Variants in CALCR observed in about 807,000 individuals in gnomAD.
CALCR encodes calcitonin receptor.
In CALCR, 47 loss-of-function variants were observed where a neutral mutation model predicts 59.5. The ratio of observed to expected loss-of-function variants is 0.79; its 90% CI spans 0.63 to 1.01. The LOEUF (loss-of-function observed/expected upper bound fraction) is 1.01. Among genes scored for constraint, CALCR ranks in the 50% least tolerant of loss-of-function variants. The pLI is 0.00. For synonymous variants in CALCR, 213 were observed against 211.3 expected (o/e 1.01, Z -0.07); for missense variants, 566 against 597.1 (o/e 0.95, Z 0.54).
intron 2 of CALCR, among the ~76,000 whole-genome samples, chr7:93,565,828 A>ACC (rs1303323328): frequency 2.0e-5 from 3 of 152,198 alleles, no homozygotes; most frequent in African/African-American, 7.2e-5. Flanking sequence ...CATAAACACC[A>ACC]ATGTTTTCTA....
At chr7:93,475,286 A>T (rs1245416173) in intron 5 of CALCR, among the ~76,000 whole-genome samples, 1 of 151,814 alleles carries the variant, frequency 6.6e-6, no homozygotes, top group Non-Finnish European at 1.5e-5. Context: ...GCTTCATGTA[A>T]ATCTGTTACA....
At position 93,468,714 on chromosome 7, in the gene CALCR, C is replaced by A; in HGVS notation, c.521+1G>T. 6.2e-7 allele frequency: 1 copy of A among 1,600,612 alleles called. No homozygotes were observed. Among genetic ancestry groups the A allele is most frequent in the African/African-American group, 1.3e-5 (1 of 74,536 alleles). ...AGAGCAGATGCTGTGAGTGTACTTA[C>A]CTGAAAAACACGAAAATCCCCAGGG... is the stretch of plus-strand genomic sequence containing the variant. On this transcript the variant is annotated splice_donor_variant, in intron 7 of 13. Coordinates refer to ENST00000426151, the MANE Select transcript of CALCR (RefSeq NM_001742.4). LOFTEE classifies it high-confidence loss of function.
In CALCR at chr7:93,503,228, G is replaced by A. The variant is rs1017779744; in HGVS notation, c.-26-16221C>T. Among the ~76,000 whole-genome samples, 4 of 152,180 alleles carry A rather than the reference G, an allele frequency of 2.6e-5. No individual in the cohort carries two copies. The East Asian group carries it at 5.8e-4, about 22-fold the overall frequency. On this transcript the variant is annotated intron_variant, in intron 2 of 13. Coordinates refer to ENST00000426151, the MANE Select transcript of CALCR (RefSeq NM_001742.4). ...GGGCTGATGGAGCAACACTCGTCTG[G>A]AATATGCTGTTCTCAGGGCAGAGGA...
At chr7:93,528,382 C>A (rs1788734161) in intron 2 of CALCR, among the ~76,000 whole-genome samples, 1 of 152,170 alleles carries the variant, frequency 6.6e-6, no homozygotes, top group South Asian at 2.1e-4. Flanking sequence ...CACCCATTAA[C>A]TCGTCATTTA....
intron 7 of CALCR, among the ~76,000 whole-genome samples, chr7:93,464,888 C>T (rs184094299): frequency 3.3e-5 from 5 of 151,960 alleles, no homozygotes; most frequent in East Asian, 1.9e-4. Flanking sequence ...GTAGAGATGA[C>T]GTAGAACAAA....
chr7:93,445,357 C>T (rs1055933143), intron 8 of CALCR, among the ~76,000 whole-genome samples: 15 of 151,980 alleles, frequency 9.9e-5, no homozygotes, highest in South Asian at 6.2e-4. Flanking sequence ...GAAGGCTATT[C>T]TTATTTAAAA....
At chr7:93,528,644 C>CA (rs1584608625) in intron 2 of CALCR, among the ~76,000 whole-genome samples, 1 of 152,078 alleles carries the variant, frequency 6.6e-6, no homozygotes, top group Non-Finnish European at 1.5e-5. Flanking sequence ...AGATTTTATT[C>CA]AAAAATGTAA....
intron 2 of CALCR, among the ~76,000 whole-genome samples, chr7:93,512,446 T>C (rs1161122519): frequency 6.6e-6 from 1 of 152,138 alleles, no homozygotes; most frequent in Admixed American, 6.6e-5. Flanking sequence ...CAGGATGGTT[T>C]CTTCTTTTAG....
intron 9 of CALCR, among the ~76,000 whole-genome samples, chr7:93,438,989 A>G (rs1799843413): frequency 6.6e-6 from 1 of 152,120 alleles, no homozygotes; most frequent in African/African-American, 2.4e-5. Flanking sequence ...TTTTAAATCA[A>G]TTTTTATTCT....
In CALCR at chr7:93,426,597, A is replaced by G. The variant is rs1799536642; in HGVS notation, c.1192-8T>C. ...CTTCACGGTGGTTTGGACCTGGAAG[A>G]GAAAAAGGAGCCTTGTTTTTATATG... On this transcript the variant is annotated splice_polypyrimidine_tract_variant and splice_region_variant and intron_variant, in intron 13 of 13. Coordinates refer to ENST00000426151, the MANE Select transcript of CALCR (RefSeq NM_001742.4). 2 of 1,452,778 alleles carry G rather than the reference A, an allele frequency of 1.4e-6. No individual in the cohort carries two copies. The highest frequency in any genetic ancestry group is 1.9e-6 in the Non-Finnish European group (2 of 1,046,772). The allele number at this position is 1,452,778 out of a possible 1,614,324, so 90.0% of individuals were successfully genotyped here.
chr7:93,466,407 G>T (rs1800441463), intron 7 of CALCR, among the ~76,000 whole-genome samples: 1 of 151,886 alleles, frequency 6.6e-6, no homozygotes, highest in Non-Finnish European at 1.5e-5. Context: ...AAACATTAAA[G>T]GGTTAGGATC....
At chr7:93,451,026 CTT>C (rs1201848488) in intron 8 of CALCR, among the ~76,000 whole-genome samples, 1 of 145,680 alleles carries the variant, frequency 6.9e-6, no homozygotes, top group Non-Finnish European at 1.5e-5. Flanking sequence ...AGTTGTAATA[CTT>C]TTTTTTTTTT....
intron 8 of CALCR, among the ~76,000 whole-genome samples, chr7:93,450,946 C>T (rs962341792): frequency 7.2e-5 from 11 of 151,760 alleles, no homozygotes; most frequent in Admixed American, 5.3e-4. Flanking sequence ...TCAGATATTA[C>T]AGGATATGTA....
At chr7:93,556,356 A>C (rs1193459056) in intron 2 of CALCR, among the ~76,000 whole-genome samples, 1 of 152,164 alleles carries the variant, frequency 6.6e-6, no homozygotes, top group Non-Finnish European at 1.5e-5. Flanking sequence ...ACACTGTTTG[A>C]GTTCAAATGT....
chr7:93,454,615 CA>C (rs36063536), intron 8 of CALCR, among the ~76,000 whole-genome samples: 3,155 of 144,096 alleles, frequency 0.022, 97 homozygotes, highest in African/African-American at 0.07. Flanking sequence ...GCAGATAGAA[CA>C]AAAAAAAAAA....
intron 8 of CALCR, among the ~76,000 whole-genome samples, chr7:93,445,688 C>T (rs1393295683): frequency 6.6e-6 from 1 of 152,032 alleles, no homozygotes; most frequent in Non-Finnish European, 1.5e-5. Context: ...TGTTTAAAGA[C>T]AACTTATTTA....
intron 8 of CALCR, among the ~76,000 whole-genome samples, chr7:93,456,820 G>C (rs1189798144): frequency 2.6e-5 from 4 of 152,096 alleles, no homozygotes; most frequent in African/African-American, 9.7e-5. Context: ...AGAATGCCTA[G>C]TGTGTTTGGG....
At chr7:93,440,796 C>G (rs984555759) in intron 9 of CALCR, among the ~76,000 whole-genome samples, 7 of 151,924 alleles carry the variant, frequency 4.6e-5, no homozygotes, top group Non-Finnish European at 7.4e-5. Context: ...TGTTGTACAG[C>G]AGATACCTAA....
chr7:93,454,468 T>A (rs1397437121), intron 8 of CALCR, among the ~76,000 whole-genome samples: 2 of 152,038 alleles, frequency 1.3e-5, no homozygotes, highest in African/African-American at 4.8e-5. Context: ...ATTGTGCCTT[T>A]CAGAACCAGA....
Sources: allele counts gnomAD v4.1 joint callset (sites outside exome capture counted in the v4.1 genomes callset), GRCh38; gene constraint gnomAD v4.1.1; transcripts MANE v1.5; gene names NCBI Gene and HGNC (gene_info 2026-07-23, HGNC 2026-07-21).